TFEC: variants seen among roughly 807,000 people sequenced by gnomAD.
TFEC encodes the protein class E basic helix-loop-helix protein 34.
In TFEC, 31 loss-of-function variants were observed where a neutral mutation model predicts 41.6. The observed-to-expected ratio is 0.74, with a 90% CI of 0.56 to 1.01. The LOEUF (loss-of-function observed/expected upper bound fraction) is 1.01, where lower values mean the gene tolerates loss of function less well. TFEC is among the 50% of genes least tolerant of loss of function. TFEC has a pLI of 0.00. For missense variants in TFEC, 402 were observed against 404.1 expected (o/e 0.99, Z 0.04); for synonymous variants, 143 against 140.6 (o/e 1.02, Z -0.12).
At chr7:116,154,808 G>C (rs890714090) in intron 1 of TFEC, among the ~76,000 whole-genome samples, 1 of 152,192 alleles carries the variant, frequency 6.6e-6, no homozygotes, top group Non-Finnish European at 1.5e-5. Context: ...ATTGGTGCAA[G>C]ATTAGAGGGT....
At chr7:116,032,801 A>G (rs1228294703), upstream of TFEC, among the ~76,000 whole-genome samples, 2 of 152,184 alleles carry the variant, frequency 1.3e-5, no homozygotes, top group Non-Finnish European at 2.9e-5. Flanking sequence ...TTACCTATGT[A>G]ACAAACCTGC....
intron 1 of TFEC, among the ~76,000 whole-genome samples, chr7:116,013,546 T>C (rs1171618964): frequency 6.6e-6 from 1 of 152,120 alleles, no homozygotes; most frequent in African/African-American, 2.4e-5. Flanking sequence ...ACTTAACTTG[T>C]ACTTCCATTT....
intron 3 of TFEC, among the ~76,000 whole-genome samples, chr7:116,087,471 A>G (rs1797227728): frequency 6.6e-6 from 1 of 152,050 alleles, no homozygotes; most frequent in African/African-American, 2.4e-5. Context: ...AATGTGTGTA[A>G]TAGACAACCA....
chr7:116,058,889 C>A (rs1796488767), intron 3 of TFEC, among the ~76,000 whole-genome samples: 1 of 151,342 alleles, frequency 6.6e-6, no homozygotes, highest in Admixed American at 6.6e-5. Context: ...GCCGATAAAG[C>A]AATATTGAGG....
intron 1 of TFEC, among the ~76,000 whole-genome samples, chr7:115,991,784 A>T (rs1047732198): frequency 1.3e-5 from 2 of 152,236 alleles, no homozygotes; most frequent in Non-Finnish European, 2.9e-5. Flanking sequence ...CACTGTCAAC[A>T]TTAGACAGAT....
chr7:115,950,854 G>T lies in TFEC; in HGVS notation c.515+20C>A. The T allele has an allele frequency of 6.4e-7, 1 of 1,570,298 alleles. No homozygotes were observed. The highest frequency in any genetic ancestry group is 8.7e-7 in the Non-Finnish European group (1 of 1,151,736). The stretch of plus-strand genomic sequence containing the variant: ...GTCTTTAAATTATAACATTATTATA[G>T]AAATGATTGTTGAACTCACGGATCA... On this transcript the variant is annotated intron_variant, in intron 6 of 7. Coordinates refer to ENST00000265440, the MANE Select transcript of TFEC (RefSeq NM_012252.4).
intron 3 of TFEC, among the ~76,000 whole-genome samples, chr7:116,085,738 A>T (rs906929153): frequency 6.6e-5 from 10 of 151,986 alleles, no homozygotes; most frequent in Admixed American, 1.3e-4. Flanking sequence ...CAGAGCAATC[A>T]GTCAGCTAAA....
intron 1 of TFEC, among the ~76,000 whole-genome samples, chr7:116,133,775 T>C (rs1239044911): frequency 1.3e-5 from 2 of 152,318 alleles, no homozygotes; most frequent in African/African-American, 2.4e-5. Context: ...CCTATGGTAC[T>C]GTAGTAAACG....
intron 5 of TFEC, among the ~76,000 whole-genome samples, chr7:115,954,283 A>C (rs1251472466): frequency 6.6e-6 from 1 of 152,040 alleles, no homozygotes. Context: ...ATCTCTTTAA[A>C]CCTTTGAGTC....
intron 3 of TFEC, among the ~76,000 whole-genome samples, chr7:116,094,567 C>A (rs1256601299): frequency 1.3e-5 from 2 of 152,088 alleles, no homozygotes; most frequent in Non-Finnish European, 2.9e-5. Context: ...GTGGTCCCAG[C>A]TACTTGGGAG....
In TFEC at chr7:116,098,039, C is replaced by T. The variant is rs542658911; in HGVS notation, c.198+12669G>A. Among the ~76,000 whole-genome samples the T allele has an allele frequency of 3.9e-5, 6 of 152,170 alleles. No homozygotes were observed. In the East Asian group the frequency reaches 5.8e-4, roughly 15 times the overall value. On this transcript the variant is annotated intron_variant, in intron 3 of 8. Transcript: ENST00000484212. ...CTGTAACTGATCTAAACATATCAATCAAAAGATAGAGATTAGCAAGGTGGA... is the reference window on the plus strand; with the variant it reads ...CTGTAACTGATCTAAACATATCAATTAAAAGATAGAGATTAGCAAGGTGGA...
At chr7:116,023,886 C>T (rs1369168889) in intron 1 of TFEC, among the ~76,000 whole-genome samples, 5 of 152,098 alleles carry the variant, frequency 3.3e-5, no homozygotes, top group South Asian at 2.1e-4. Flanking sequence ...GCCTCTCTGA[C>T]CAAATCTCCA....
chr7:115,935,821 A>AT lies in TFEC; in HGVS notation c.*4729dup, dbSNP rs1389916770. ...CTGTTGGATAATGTAAGAAAAAGAC[A>AT]TTTTACAGAGAATTTCATCAGTAGA... On this transcript the variant is annotated 3_prime_UTR_variant, in exon 8 of 8. Transcript: ENST00000265440. 2 of 151,606 alleles carry AT rather than the reference A, an allele frequency of 1.3e-5. No individual in the cohort carries two copies. The highest frequency in any genetic ancestry group is 3.0e-5 in the Non-Finnish European group (2 of 67,588). The allele number at this position is 151,606 out of a possible 1,614,324, so 9.4% of individuals were successfully genotyped here.
At chr7:115,944,947 G>A (rs369465683) in intron 6 of TFEC, among the ~76,000 whole-genome samples, 1 of 149,430 alleles carries the variant, frequency 6.7e-6, no homozygotes, top group Non-Finnish European at 1.5e-5. Flanking sequence ...TGCTGCATTT[G>A]TCTCATTTGA....
upstream of TFEC, among the ~76,000 whole-genome samples, chr7:116,031,042 C>T (rs1046422489): frequency 3.3e-5 from 5 of 152,070 alleles, no homozygotes; most frequent in Admixed American, 1.3e-4. Flanking sequence ...TATACACAAG[C>T]AGTACATGGT....
chr7:116,097,043 T>C (rs1797479403), intron 3 of TFEC, among the ~76,000 whole-genome samples: 1 of 150,990 alleles, frequency 6.6e-6, no homozygotes, highest in Non-Finnish European at 1.5e-5. Flanking sequence ...TGAGCTGAGA[T>C]TGCACCACTA....
chr7:116,007,848 T>A (rs1481968104), intron 1 of TFEC, among the ~76,000 whole-genome samples: 1 of 152,244 alleles, frequency 6.6e-6, no homozygotes, highest in African/African-American at 2.4e-5. Context: ...TATGTAGGAT[T>A]ATATTCATTT....
Position 115,972,271 on chromosome 7 carries a change from T to C in TFEC, c.267+1899A>G, listed in dbSNP as rs183370634. 1.9e-3 allele frequency among the ~76,000 whole-genome samples: 295 copies of C among 152,248 alleles called. 1 individual carries two copies. The highest frequency in any genetic ancestry group is 5.1e-3 in the Admixed American group (78 of 15,262). Reference sequence around the variant, plus strand: ...CTCATGGTTTCTCCTTCATTTGAGCTGCAGAGCAAATCTCTGACTAGCATT... The same window carrying C: ...CTCATGGTTTCTCCTTCATTTGAGCCGCAGAGCAAATCTCTGACTAGCATT... On this transcript the variant is annotated intron_variant, in intron 3 of 7. Transcript: ENST00000265440.
Position 115,977,280 on chromosome 7 carries a change from CAAAG to C in TFEC, c.181-3028_181-3025del, listed in dbSNP as rs532624474. On this transcript the variant is annotated intron_variant, in intron 2 of 7. Coordinates refer to ENST00000265440, the MANE Select transcript of TFEC (RefSeq NM_012252.4). The stretch of plus-strand genomic sequence containing the variant: ...ATAATAAATTAAGATCATAAGAATA[CAAAG>C]AAAGAGCAAATTGCTTGACAAAAGT... 6.5e-4 allele frequency among the ~76,000 whole-genome samples: 99 copies of C among 151,844 alleles called. 4 individuals are homozygous for C. The South Asian group carries it at 0.019, about 29-fold the overall frequency.
Sources: allele counts gnomAD v4.1 joint callset (sites outside exome capture counted in the v4.1 genomes callset), GRCh38; gene constraint gnomAD v4.1.1; transcripts MANE v1.5; gene names NCBI Gene and HGNC (gene_info 2026-07-23, HGNC 2026-07-21).